Variants in BLTP1 observed in about 807,000 individuals in gnomAD.
BLTP1 encodes the protein fragile site-associated protein.
the BLTP1 span, chr4:122,328,363 T>C: frequency 1.3e-5 from 21 of 1,599,706 alleles, no homozygotes; most frequent in Non-Finnish European, 1.5e-5. Flanking sequence ...CCCTCGTGAG[T>C]AACCTTATTT....
chr4:122,189,966 TG>T, the BLTP1 span: 9 of 1,604,314 alleles, frequency 5.6e-6, no homozygotes, highest in African/African-American at 1.3e-5. Context: ...TCTGGAGATT[TG>T]TTTAGTTTGC....
the BLTP1 span, chr4:122,263,415 T>A: frequency 3.2e-6 from 5 of 1,556,174 alleles, no homozygotes; most frequent in Non-Finnish European, 4.3e-6. Flanking sequence ...ATAAATAATA[T>A]TATACTCAGA....
chr4:122,247,385 T>C, the BLTP1 span: 2 of 1,610,488 alleles, frequency 1.2e-6, no homozygotes, highest in Non-Finnish European at 1.7e-6. Context: ...ATATGTTTTT[T>C]CTTGGCATAT....
At chr4:122,276,347 TA>T in the BLTP1 span, 7 of 673,164 alleles carry the variant, frequency 1.0e-5, no homozygotes, top group Non-Finnish European at 1.3e-5. Flanking sequence ...AATGGAAGCT[TA>T]AAAAATTCAC....
chr4:122,244,556 T>C, the BLTP1 span: 1 of 433,778 alleles, frequency 2.3e-6, no homozygotes, highest in African/African-American at 2.2e-5. Context: ...ATATTACATA[T>C]TATTATATAA....
At chr4:122,179,892 T>A in the BLTP1 span, 1 of 985,174 alleles carries the variant, frequency 1.0e-6, no homozygotes, top group Non-Finnish European at 1.2e-6. Flanking sequence ...GCCCCCCACA[T>A]ACAGACAGGG....
the BLTP1 span, chr4:122,199,334 T>G: frequency 6.2e-7 from 1 of 1,607,826 alleles, no homozygotes; most frequent in African/African-American, 1.3e-5. Flanking sequence ...TTCCTGGTTC[T>G]TAGTTTTTAT....
chr4:122,347,138 C>T, the BLTP1 span: 2 of 984,432 alleles, frequency 2.0e-6, no homozygotes, highest in Non-Finnish European at 2.4e-6. Context: ...GCATGGGAAA[C>T]AGAAGATGCT....
At chr4:122,166,702 A>G in the BLTP1 span, among the ~76,000 whole-genome samples, 1 of 152,222 alleles carries the variant, frequency 6.6e-6, no homozygotes, top group Non-Finnish European at 1.5e-5. Context: ...CTTCCTACCC[A>G]TGAGCATGGA....
chr4:122,246,259 A>G, the BLTP1 span: 2 of 1,607,470 alleles, frequency 1.2e-6, no homozygotes, highest in Non-Finnish European at 1.7e-6. Flanking sequence ...AAGATAATGT[A>G]ACAATTAAAG....
the BLTP1 span, chr4:122,314,201 C>T: frequency 1.2e-6 from 1 of 827,818 alleles, no homozygotes; most frequent in Non-Finnish European, 1.5e-6. Flanking sequence ...AGGGAAAATT[C>T]AGGCAGAGAG....
chr4:122,226,928 G>A, the BLTP1 span: 1 of 906,424 alleles, frequency 1.1e-6, no homozygotes, highest in Non-Finnish European at 1.5e-6. Flanking sequence ...AATACACATA[G>A]CCATGCAGCA....
the BLTP1 span, chr4:122,189,904 CT>C: frequency 7.1e-7 from 1 of 1,415,760 alleles, no homozygotes; most frequent in Non-Finnish European, 9.2e-7. Context: ...TTTTTTTTTC[CT>C]TTTCTTTTCA....
the BLTP1 span, among the ~76,000 whole-genome samples, chr4:122,321,084 G>A: frequency 1.3e-5 from 2 of 149,700 alleles, no homozygotes; most frequent in Non-Finnish European, 3.0e-5. Context: ...CCCATAAGTT[G>A]AAAAGTCAAA....
the BLTP1 span, chr4:122,224,904 A>G: frequency 2.0e-5 from 27 of 1,341,424 alleles, no homozygotes; most frequent in South Asian, 2.1e-4. Flanking sequence ...GTGTAGACCT[A>G]TATAATATTT....
chr4:122,183,981 A>T, the BLTP1 span, among the ~76,000 whole-genome samples: 1 of 152,148 alleles, frequency 6.6e-6, no homozygotes, highest in Admixed American at 6.6e-5. Context: ...TTTCAGCTCC[A>T]CTGTAATCTT....
At chr4:122,194,083 C>T in the BLTP1 span, among the ~76,000 whole-genome samples, 7 of 152,194 alleles carry the variant, frequency 4.6e-5, no homozygotes, top group East Asian at 5.8e-4. Flanking sequence ...GGGATGGTCT[C>T]GATCTCCTGA....
the BLTP1 span, among the ~76,000 whole-genome samples, chr4:122,220,024 C>A: frequency 1.3e-5 from 2 of 152,214 alleles, no homozygotes; most frequent in East Asian, 3.9e-4. Context: ...CTAAGGACAA[C>A]CTGTGGACCT....
chr4:122,315,608 A>G, the BLTP1 span: 1 of 1,614,072 alleles, frequency 6.2e-7, no homozygotes, highest in South Asian at 1.1e-5. Context: ...CATAGATGAC[A>G]TTGCTGACTT....
Sources: allele counts gnomAD v4.1 joint callset (sites outside exome capture counted in the v4.1 genomes callset), GRCh38; gene constraint gnomAD v4.1.1; transcripts MANE v1.5; gene names NCBI Gene and HGNC (gene_info 2026-07-23, HGNC 2026-07-21).